Variants in FLRT1 observed in about 807,000 individuals in gnomAD.
The protein encoded by FLRT1 is leucine-rich repeat transmembrane protein FLRT1.
Under a neutral mutation model 30.9 loss-of-function variants are expected in FLRT1, and 14 were observed. That is an observed-to-expected ratio of 0.45 (90% CI 0.30 to 0.71). FLRT1 has a LOEUF of 0.71. Among genes scored for constraint, FLRT1 ranks in the 30% least tolerant of loss-of-function variants. The pLI is 0.08. For synonymous variants in FLRT1, 368 were observed against 430.4 expected (o/e 0.85, Z 1.80); for missense variants, 737 against 949.2 (o/e 0.78, Z 2.94).
chr11:64,037,105 G>C (rs1943396647), intron 1 of FLRT1, among the ~76,000 whole-genome samples: 1 of 152,144 alleles, frequency 6.6e-6, no homozygotes, highest in South Asian at 2.1e-4. Context: ...GCCCAAGCCA[G>C]AGCTCTGATG....
At chr11:64,073,134 A>G (rs1488471218) in intron 1 of FLRT1, among the ~76,000 whole-genome samples, 1 of 152,144 alleles carries the variant, frequency 6.6e-6, no homozygotes, top group East Asian at 1.9e-4. Context: ...AGGGACCCCC[A>G]CCGTGGGTTT....
At chr11:64,086,247 C>T (rs1180512575) in intron 1 of FLRT1, among the ~76,000 whole-genome samples, 3 of 152,134 alleles carry the variant, frequency 2.0e-5, no homozygotes, top group Admixed American at 6.5e-5. Context: ...GTCTTGCATT[C>T]GGGGCCAGAG....
intron 1 of FLRT1, among the ~76,000 whole-genome samples, chr11:64,083,926 G>A (rs1180227956): frequency 3.3e-5 from 5 of 152,320 alleles, no homozygotes; most frequent in Admixed American, 1.3e-4. Flanking sequence ...CGTGGGCAGG[G>A]GCACATATGC....
At chr11:64,078,532 G>A (rs1055465728) in intron 1 of FLRT1, among the ~76,000 whole-genome samples, 1 of 152,258 alleles carries the variant, frequency 6.6e-6, no homozygotes, top group African/African-American at 2.4e-5. Context: ...ATACCCGGGA[G>A]GGGAGCTGTC....
chr11:64,094,322 C>T (rs1944539697), intron 1 of FLRT1, among the ~76,000 whole-genome samples: 1 of 152,038 alleles, frequency 6.6e-6, no homozygotes, highest in Non-Finnish European at 1.5e-5. Flanking sequence ...ATCCCAGCTA[C>T]TCAGGAGGCT....
intron 1 of FLRT1, among the ~76,000 whole-genome samples, chr11:64,047,390 A>G (rs1359344359): frequency 6.6e-6 from 1 of 152,134 alleles, no homozygotes; most frequent in Admixed American, 6.5e-5. Context: ...TCACCCAGCA[A>G]TCGGAGGAGA....
At chr11:64,046,590 C>T (rs1164180144) in intron 1 of FLRT1, among the ~76,000 whole-genome samples, 9 of 152,128 alleles carry the variant, frequency 5.9e-5, no homozygotes, top group Admixed American at 3.9e-4. Flanking sequence ...TTGTTCTCGT[C>T]GCTCAGGCTA....
intron 1 of FLRT1, among the ~76,000 whole-genome samples, chr11:64,043,412 G>A (rs577402669): frequency 2.0e-5 from 3 of 152,226 alleles, no homozygotes; most frequent in Non-Finnish European, 4.4e-5. Flanking sequence ...GCAGTAGCAG[G>A]TGGAATGCAT....
chr11:64,047,949 C>T (rs1189947886), intron 1 of FLRT1, among the ~76,000 whole-genome samples: 2 of 151,698 alleles, frequency 1.3e-5, no homozygotes, highest in African/African-American at 2.4e-5. Flanking sequence ...CCCAGCCCTG[C>T]AGCAACTTCC....
intron 2 of FLRT1, among the ~76,000 whole-genome samples, chr11:64,114,892 C>T (rs56241103): frequency 0.23 from 34,646 of 151,774 alleles, 6,884 homozygotes; most frequent in East Asian, 0.53. Context: ...CTGGGTCCTG[C>T]AAGAGTAGCT....
chr11:64,099,411 G>A (rs1944632529), intron 1 of FLRT1, among the ~76,000 whole-genome samples: 1 of 152,234 alleles, frequency 6.6e-6, no homozygotes, highest in Non-Finnish European at 1.5e-5. Context: ...CTCAGAATAT[G>A]TTTGCTGGAT....
intron 1 of FLRT1, among the ~76,000 whole-genome samples, chr11:64,086,160 A>G (rs1203211647): frequency 6.6e-6 from 1 of 152,184 alleles, no homozygotes; most frequent in Non-Finnish European, 1.5e-5. Context: ...ATTCAGGGGA[A>G]GCCGGGACTC....
intron 1 of FLRT1, among the ~76,000 whole-genome samples, chr11:64,057,948 G>T (rs895384936): frequency 6.6e-6 from 1 of 152,174 alleles, no homozygotes; most frequent in African/African-American, 2.4e-5. Context: ...CCACCCCTGG[G>T]CTCCCAAGAC....
At position 64,118,570 on chromosome 11, in the gene FLRT1, A is replaced by T. The variant is rs1018767533; in HGVS notation, c.*278A>T. On this transcript the variant is annotated 3_prime_UTR_variant, in exon 3 of 3. Transcript: ENST00000682287. ...GTTGGGGAGGGAAGGACTAAAAATA[A>T]TATTGCAGGCAGGGCTGGGTTGGGT... The T allele has an allele frequency of 5.3e-6, 2 of 378,040 alleles. No individual in the cohort carries two copies. Among genetic ancestry groups the T allele is most frequent in the Non-Finnish European group, 5.0e-6 (1 of 201,798 alleles). 23.4% of individuals were successfully genotyped at this position (378,040 alleles called of 1,614,324 possible).
chr11:64,070,878 C>A (rs1048668333), intron 1 of FLRT1, among the ~76,000 whole-genome samples: 1 of 152,066 alleles, frequency 6.6e-6, no homozygotes, highest in Non-Finnish European at 1.5e-5. Flanking sequence ...GAATGGGGCC[C>A]CCCTCTGGGA....
At chr11:64,106,991 C>T (rs1382971163) in intron 2 of FLRT1, among the ~76,000 whole-genome samples, 2 of 152,194 alleles carry the variant, frequency 1.3e-5, no homozygotes, top group Non-Finnish European at 2.9e-5. Context: ...TCAAGTGAAT[C>T]TCCTGCCTCA....
In FLRT1 at chr11:64,036,885, G is replaced by A. The variant is rs1943392343; in HGVS notation, c.-1038+726G>A. Among the ~76,000 whole-genome samples the A allele has an allele frequency of 6.6e-6, 1 of 152,188 alleles. No homozygotes were observed. The highest frequency in any genetic ancestry group is 2.4e-5 in the African/African-American group (1 of 41,464). ...CGCACGCCCCTCCTCGCGGGCACTG[G>A]AGACCCCGGGGAGGAAGGCTGGGGA... is the stretch of plus-strand genomic sequence containing the variant. On this transcript the variant is annotated intron_variant, in intron 1 of 2. Coordinates refer to ENST00000682287, the MANE Select transcript of FLRT1 (RefSeq NM_013280.5). The surrounding 1 kb of genome is among the most constrained non-coding windows in gnomAD (Gnocchi z 5.6).
chr11:64,042,338 C>T (rs915104388), intron 1 of FLRT1, among the ~76,000 whole-genome samples: 3 of 152,218 alleles, frequency 2.0e-5, no homozygotes, highest in Non-Finnish European at 4.4e-5. Context: ...CCACCCTTCC[C>T]GTGCAGTCCC....
At chr11:64,043,898 G>C (rs1318935147) in intron 1 of FLRT1, among the ~76,000 whole-genome samples, 2 of 150,282 alleles carry the variant, frequency 1.3e-5, no homozygotes, top group African/African-American at 4.9e-5. Flanking sequence ...AGCAACCTCT[G>C]TCTGCAACAG....
Sources: gnomAD v4.1 joint callset for allele counts (sites outside exome capture counted in the v4.1 genomes callset) on GRCh38, gnomAD v4.1.1 for gene constraint, Gnocchi (gnomAD v3.1) non-coding constraint, MANE v1.5 for transcripts, NCBI Gene and HGNC (gene_info 2026-07-23, HGNC 2026-07-21) for gene names.